Variants in RTL4 observed in about 807,000 individuals in gnomAD.
The protein encoded by RTL4 is retrotransposon Gag-like protein 4.
A neutral mutation model predicts 5.3 loss-of-function variants in RTL4; 4 were observed. The observed-to-expected ratio is 0.75, with a 90% CI of 0.37 to 1.72. The LOEUF (loss-of-function observed/expected upper bound fraction) is 1.72, where lower values mean the gene tolerates loss of function less well. RTL4 is among the 40% of genes most tolerant of loss of function. RTL4 has a pLI of 0.04. For missense variants in RTL4, 260 were observed against 227.1 expected, an observed-to-expected ratio of 1.14 and a Z score of -0.93; for synonymous variants, 98 against 87.3, an observed-to-expected ratio of 1.12 and a Z score of -0.68.
chrX:112,186,633 T>C, the RTL4 span, among the ~76,000 whole-genome samples: 1 of 111,897 alleles, frequency 8.9e-6, no homozygotes, highest in Non-Finnish European at 1.9e-5. Flanking sequence ...GACAGATGTA[T>C]AAGATCTAGT....
the RTL4 span, among the ~76,000 whole-genome samples, chrX:112,271,226 C>G: frequency 8.9e-6 from 1 of 112,568 alleles, no homozygotes; most frequent in Non-Finnish European, 1.9e-5. Flanking sequence ...TCAAGCAATT[C>G]ATATATAAGA....
chrX:112,206,585 T>C, the RTL4 span, among the ~76,000 whole-genome samples: 1 of 111,218 alleles, frequency 9.0e-6, no homozygotes, highest in East Asian at 2.8e-4. Context: ...TTTCCCTGGC[T>C]TCTAAAGTTG....
chrX:112,299,879 T>A, the RTL4 span, among the ~76,000 whole-genome samples: 2 of 111,180 alleles, frequency 1.8e-5, no homozygotes, highest in East Asian at 5.7e-4. Flanking sequence ...TTTTTCATCA[T>A]CATACTGTAT....
the RTL4 span, among the ~76,000 whole-genome samples, chrX:112,353,190 C>T: frequency 9.0e-6 from 1 of 111,564 alleles, no homozygotes; most frequent in Non-Finnish European, 1.9e-5. Flanking sequence ...ACAACAGGTG[C>T]TGGAGAGGAT....
the RTL4 span, among the ~76,000 whole-genome samples, chrX:112,178,385 A>C: frequency 1.1e-5 from 1 of 90,465 alleles, no homozygotes; most frequent in Non-Finnish European, 2.2e-5. Context: ...ACCGTGAAAC[A>C]GAAAAGGATT....
chrX:112,344,695 T>C, the RTL4 span, among the ~76,000 whole-genome samples: 1 of 112,087 alleles, frequency 8.9e-6, no homozygotes, highest in African/African-American at 3.2e-5. Context: ...TCAAGTGCCA[T>C]TACTTTTTAT....
At chrX:112,392,723 G>A in the RTL4 span, among the ~76,000 whole-genome samples, 3 of 111,643 alleles carry the variant, frequency 2.7e-5, no homozygotes, top group African/African-American at 9.8e-5. Context: ...TCTCAGAGAA[G>A]TTGGAAAACT....
the RTL4 span, among the ~76,000 whole-genome samples, chrX:112,241,366 CT>C: frequency 9.0e-6 from 1 of 111,503 alleles, no homozygotes; most frequent in Non-Finnish European, 1.9e-5. Context: ...TGTTTCCTGA[CT>C]TTTTAATGAT....
chrX:112,390,386 A>G, the RTL4 span, among the ~76,000 whole-genome samples: 2 of 103,786 alleles, frequency 1.9e-5, no homozygotes, highest in Non-Finnish European at 3.9e-5. Flanking sequence ...CAGGAGACAG[A>G]TTTTGTAGTG....
the RTL4 span, among the ~76,000 whole-genome samples, chrX:112,447,242 C>G: frequency 1.8e-5 from 2 of 111,878 alleles, no homozygotes; most frequent in Non-Finnish European, 3.8e-5. Flanking sequence ...GAAACTGGAG[C>G]TACTGACAAA....
the RTL4 span, among the ~76,000 whole-genome samples, chrX:112,374,532 A>ATCATTAATTTT: frequency 1.8e-5 from 2 of 112,185 alleles, no homozygotes; most frequent in Admixed American, 1.9e-4. Flanking sequence ...TCCACAAAAA[A>ATCATTAATTTT]GTACCTGCTG....
the RTL4 span, among the ~76,000 whole-genome samples, chrX:112,332,637 C>T: frequency 2.1e-5 from 2 of 95,228 alleles, no homozygotes; most frequent in Non-Finnish European, 4.0e-5. Context: ...ACAATGAGAA[C>T]ACAAGCACAC....
At chrX:112,099,963 G>A in the RTL4 span, among the ~76,000 whole-genome samples, 8 of 111,902 alleles carry the variant, frequency 7.1e-5, no homozygotes, top group Non-Finnish European at 1.5e-4. Context: ...ATGACATCAA[G>A]CATGGCTGTG....
chrX:112,100,823 A>G, the RTL4 span, among the ~76,000 whole-genome samples: 6 of 111,703 alleles, frequency 5.4e-5, no homozygotes, highest in African/African-American at 1.9e-4. Context: ...GGGAGCTGTG[A>G]GGGAGGCTGG....
the RTL4 span, among the ~76,000 whole-genome samples, chrX:112,175,560 C>G: frequency 9.2e-6 from 1 of 108,497 alleles, no homozygotes; most frequent in Non-Finnish European, 1.9e-5. Context: ...CTTGGCAATG[C>G]GGGCTCTTTT....
At chrX:112,194,294 G>A in the RTL4 span, among the ~76,000 whole-genome samples, 2 of 111,789 alleles carry the variant, frequency 1.8e-5, no homozygotes, top group African/African-American at 6.5e-5. Flanking sequence ...CAATGTGATA[G>A]TATTTAGAAA....
chrX:112,104,448 A>ATT, the RTL4 span, among the ~76,000 whole-genome samples: 24 of 109,076 alleles, frequency 2.2e-4, no homozygotes, highest in African/African-American at 8.0e-4. Context: ...TGGTAATTTT[A>ATT]TTTTTTTTTG....
chrX:112,095,586 T>C, the RTL4 span, among the ~76,000 whole-genome samples: 1 of 110,935 alleles, frequency 9.0e-6, no homozygotes, highest in Non-Finnish European at 1.9e-5. Context: ...ATGGATAGGG[T>C]AAAAATAGAG....
the RTL4 span, among the ~76,000 whole-genome samples, chrX:112,245,136 T>G: frequency 9.0e-6 from 1 of 111,633 alleles, no homozygotes; most frequent in Non-Finnish European, 1.9e-5. Context: ...CATTTTTTCC[T>G]TCATTTCAAC....
Sources: gnomAD v4.1 joint callset for allele counts (sites outside exome capture counted in the v4.1 genomes callset) on GRCh38, gnomAD v4.1.1 for gene constraint, MANE v1.5 for transcripts, NCBI Gene and HGNC (gene_info 2026-07-23, HGNC 2026-07-21) for gene names.